Variants in CABIN1 observed in about 807,000 individuals in gnomAD.
The protein encoded by CABIN1 is calcineurin binding protein 1, also known as calcineurin-binding protein cabin-1.
In CABIN1, 133 loss-of-function variants were observed where a neutral mutation model predicts 227.7. The observed-to-expected ratio is 0.58, with a 90% CI of 0.51 to 0.67. The LOEUF is 0.67. Among genes scored for constraint, CABIN1 ranks in the 30% least tolerant of loss-of-function variants. CABIN1 has a pLI of 0.00. For synonymous variants in CABIN1, 1,086 were observed against 1,155.1 expected (o/e 0.94, Z 1.21); for missense variants, 2,408 against 2,852.5 (o/e 0.84, Z 3.55).
intron 30 of CABIN1, among the ~76,000 whole-genome samples, chr22:24,165,112 C>T (rs905185539): frequency 2.0e-5 from 3 of 152,220 alleles, no homozygotes; most frequent in African/African-American, 4.8e-5. Context: ...GGCCTCACTC[C>T]GTCAGCTGGA....
At chr22:24,038,325 A>G (rs576785817) in intron 3 of CABIN1, 23 bp from the exon 4 acceptor site, 47 of 1,583,418 alleles carry the variant, frequency 3.0e-5, no homozygotes, top group Non-Finnish European at 3.9e-5. Context: ...CTGTATGAAA[A>G]CATCTCTTGT....
chr22:24,036,428 C>G (rs1158597302), intron 3 of CABIN1, among the ~76,000 whole-genome samples: 1 of 152,092 alleles, frequency 6.6e-6, no homozygotes, highest in Non-Finnish European at 1.5e-5. Flanking sequence ...TTCCATGCAC[C>G]CCATTCTTTG....
At chr22:24,026,823 C>T (rs776563590) in intron 1 of CABIN1, among the ~76,000 whole-genome samples, 2 of 152,174 alleles carry the variant, frequency 1.3e-5, no homozygotes, top group Non-Finnish European at 2.9e-5. Context: ...TAGTGTGATC[C>T]GTCCAATATT....
intron 34 of CABIN1, 158 bp from the exon 35 acceptor site, chr22:24,175,953 C>T (rs2047080317): frequency 3.5e-6 from 3 of 851,704 alleles, no homozygotes; most frequent in Non-Finnish European, 5.7e-6. Flanking sequence ...TTCTTGGCAG[C>T]ACCAACCTGG....
At chr22:24,092,627 G>A (rs898568329) in intron 24 of CABIN1, among the ~76,000 whole-genome samples, 2 of 151,852 alleles carry the variant, frequency 1.3e-5, no homozygotes, top group African/African-American at 4.8e-5. Flanking sequence ...CTCTTGGAGT[G>A]TGGACAGAAT....
At chr22:24,164,603 T>C in intron 30 of CABIN1, 40 bp downstream of exon 30, 1 of 1,595,086 alleles carries the variant, frequency 6.3e-7, no homozygotes, top group Non-Finnish European at 8.5e-7. Context: ...GCATGCTGTG[T>C]GGGTCAGGGG....
At chr22:24,017,923 A>G (rs1302129435) in intron 1 of CABIN1, among the ~76,000 whole-genome samples, 1 of 152,106 alleles carries the variant, frequency 6.6e-6, no homozygotes, top group African/African-American at 2.4e-5. Context: ...CCAGGCTGGA[A>G]TGCAATGGCG....
intron 28 of CABIN1, among the ~76,000 whole-genome samples, chr22:24,132,454 G>A (rs2044133794): frequency 6.6e-6 from 1 of 152,204 alleles, no homozygotes; most frequent in Non-Finnish European, 1.5e-5. Context: ...GGGGTGGAGT[G>A]CAGAGGTGGG....
intron 29 of CABIN1, among the ~76,000 whole-genome samples, chr22:24,152,480 T>C (rs889256225): frequency 2.6e-5 from 4 of 152,148 alleles, no homozygotes; most frequent in Admixed American, 6.5e-5. Context: ...CAGTCTCTGC[T>C]GTCACACTCT....
At chr22:24,113,155 A>G (rs1435251467) in intron 26 of CABIN1, among the ~76,000 whole-genome samples, 1 of 152,248 alleles carries the variant, frequency 6.6e-6, no homozygotes, top group Non-Finnish European at 1.5e-5. Context: ...TATATGGTAG[A>G]AAAACTACAT....
chr22:24,042,165 A>G (rs1167423704), intron 5 of CABIN1, among the ~76,000 whole-genome samples: 1 of 152,200 alleles, frequency 6.6e-6, no homozygotes, highest in East Asian at 1.9e-4. Context: ...CATGTTACCC[A>G]GGCTGCTCTC....
intron 33 of CABIN1, among the ~76,000 whole-genome samples, chr22:24,171,181 TG>T (rs2148763075): frequency 6.6e-6 from 1 of 152,254 alleles, no homozygotes; most frequent in South Asian, 2.1e-4. Flanking sequence ...GAGGCCAAGC[TG>T]GGGGCAGCAC....
chr22:24,041,395 C>A (rs897533050), intron 5 of CABIN1, 122 bp downstream of exon 5: 82 of 1,260,038 alleles, frequency 6.5e-5, no homozygotes, highest in Non-Finnish European at 9.0e-5. Context: ...AGCTATAGTA[C>A]CCAAGGCTCT....
At chr22:24,149,352 C>T (rs1358105138) in intron 29 of CABIN1, among the ~76,000 whole-genome samples, 4 of 152,172 alleles carry the variant, frequency 2.6e-5, no homozygotes, top group Non-Finnish European at 4.4e-5. Context: ...GGGAGGGTCA[C>T]GTGAGAACAC....
At position 24,042,945 on chromosome 22, in the gene CABIN1, G is replaced by A; in HGVS notation, c.387G>A (p.Lys129=). Residue 129 remains lysine (K), a synonymous_variant, in exon 6 of 37, where the codon AAG becomes AAA. Transcript: ENST00000263119. Reference sequence around the variant, plus strand: ...CCACAGATGTCAACCTCTGGTATAAGATTGGACATGTGGCCCTGAGGCTCA... The same window carrying A: ...CCACAGATGTCAACCTCTGGTATAAAATTGGACATGTGGCCCTGAGGCTCA... ...LDSTDVNLWY[K]IGHVALRLIR... The A allele has an allele frequency of 6.2e-7, 1 of 1,606,992 alleles. No homozygotes were observed. The highest frequency in any genetic ancestry group is 1.1e-5 in the South Asian group (1 of 90,920).
chr22:24,105,514 C>T (rs1384570921), intron 26 of CABIN1, among the ~76,000 whole-genome samples: 1 of 152,198 alleles, frequency 6.6e-6, no homozygotes, highest in East Asian at 1.9e-4. Context: ...TAGTGCCATT[C>T]TTCTTTCCTG....
chr22:24,130,882 A>C (rs1366736405), intron 28 of CABIN1, among the ~76,000 whole-genome samples: 3 of 152,206 alleles, frequency 2.0e-5, no homozygotes, highest in African/African-American at 7.2e-5. Context: ...AAGCTAATTT[A>C]TAATCCAGGT....
At chr22:24,167,671 C>A (rs964380017) in intron 32 of CABIN1, among the ~76,000 whole-genome samples, 3 of 152,194 alleles carry the variant, frequency 2.0e-5, no homozygotes, top group Non-Finnish European at 2.9e-5. Flanking sequence ...ATTTTGCCTT[C>A]TTTTTTTAAA....
At position 24,134,264 on chromosome 22, in the gene CABIN1, C is replaced by A. The variant is rs558666331; in HGVS notation, c.4633-38C>A. The A allele has an allele frequency of 2.6e-6, 4 of 1,539,242 alleles. No individual in the cohort carries two copies. In the East Asian group the frequency reaches 9.2e-5, roughly 35 times the overall value. On this transcript the variant is annotated intron_variant, in intron 28 of 36. Coordinates refer to ENST00000263119, the MANE Select transcript of CABIN1 (RefSeq NM_012295.4). Reference sequence around the variant, plus strand: ...CTTCCCTGTGGGCGCCCTGAGCAGCCCACACACTCACTTTCAACCTACTTC... The same window carrying A: ...CTTCCCTGTGGGCGCCCTGAGCAGCACACACACTCACTTTCAACCTACTTC...
Sources: gnomAD v4.1 joint callset for allele counts (sites outside exome capture counted in the v4.1 genomes callset) on GRCh38, gnomAD v4.1.1 for gene constraint, MANE v1.5 for transcripts, NCBI Gene and HGNC (gene_info 2026-07-23, HGNC 2026-07-21) for gene names.